SLC7A3: variants seen among roughly 807,000 people sequenced by gnomAD.
SLC7A3 encodes the protein cationic amino acid transporter 3.
SLC7A3 carries 3 observed loss-of-function variants against 33.2 expected under a neutral mutation model. The observed-to-expected ratio is 0.09, with a 90% CI of 0.04 to 0.23. The LOEUF (loss-of-function observed/expected upper bound fraction) is 0.23. SLC7A3 is among the 10% of genes least tolerant of loss of function. The pLI, the probability that SLC7A3 is intolerant of heterozygous loss-of-function variation, is 1.00. For missense variants in SLC7A3, 360 were observed against 488.8 expected (o/e 0.74, Z 2.48); for synonymous variants, 193 against 195.1 (o/e 0.99, Z 0.09).
chrX:70,926,175 G>A lies in SLC7A3; in HGVS notation c.1624C>T (p.Pro542Ser). Reference protein sequence around the residue: ...QSSTPLHFKVPALPLLPLMSI... With the variant: ...QSSTPLHFKVSALPLLPLMSI... The stretch of plus-strand genomic sequence containing the variant: ...ATTAGTGGGAGGAGAGGCAAAGCAG[G>A]CACCTGAAAACAAAGTAAAATCTTC... Residue 542 changes from proline to serine, a missense_variant, in exon 11 of 12, where the codon CCT (proline) becomes TCT (serine). Transcript: ENST00000374299. The A allele has an allele frequency of 5.0e-6, 6 of 1,202,575 alleles. No individual in the cohort carries two copies. Among genetic ancestry groups the A allele is most frequent in the Non-Finnish European group, 5.6e-6 (5 of 888,724 alleles).
At chrX:70,928,337 G>T in intron 4 of SLC7A3, 80 bp from the exon 5 acceptor site, 1 of 1,094,520 alleles carries the variant, frequency 9.1e-7, no homozygotes, top group South Asian at 2.0e-5. Flanking sequence ...AAACCAGTTA[G>T]CTAGGTCTTC....
chrX:70,929,116 A>G, intron 2 of SLC7A3, 114 bp from the exon 3 acceptor site: 1 of 767,290 alleles, frequency 1.3e-6, no homozygotes, highest in Non-Finnish European at 1.9e-6. Flanking sequence ...TTTGAGACCA[A>G]GTCTCACTCT....
intron 1 of SLC7A3, among the ~76,000 whole-genome samples, chrX:70,930,674 T>C (rs1470566001): frequency 1.8e-5 from 2 of 111,948 alleles, no homozygotes; most frequent in African/African-American, 3.2e-5. Flanking sequence ...ATCTAAAGAT[T>C]TGGAGATGCG....
rs770362441 is a variant in SLC7A3, at chrX:70,929,707, T to C, written c.291A>G (p.Ala97=). ...FGARVPRSGS[A]YLYSYVTVGE... Reference sequence around the variant, plus strand: ...CCACAGTGACATAGCTGTAGAGATATGCCGAACCAGAACGGGGAACCCGGG... The same window carrying C: ...CCACAGTGACATAGCTGTAGAGATACGCCGAACCAGAACGGGGAACCCGGG... The change falls in exon 2 of 12, where the codon GCA becomes GCG. Residue 97 remains alanine (A), a synonymous_variant. Coordinates refer to ENST00000374299, the MANE Select transcript of SLC7A3 (RefSeq NM_032803.6). The C allele has an allele frequency of 1.7e-6, 2 of 1,209,479 alleles. No individual in the cohort carries two copies. Among genetic ancestry groups the C allele is most frequent in the East Asian group, 3.0e-5 (1 of 33,708 alleles).
At chrX:70,929,605 C>T (rs192392511) in intron 2 of SLC7A3, 23 bp downstream of exon 2, 3 of 1,189,139 alleles carry the variant, frequency 2.5e-6, no homozygotes, top group African/African-American at 3.5e-5. Context: ...GTGCAGTTCC[C>T]TCCCTCCCCC....
chrX:70,927,638 G>A lies in SLC7A3; in HGVS notation c.1044-15C>T, dbSNP rs764633554. ...AGCCCAGGAGGCTGGAGAGGAGAAT[G>A]CCCAGGGTGGCATGAGTTGACTGGG... On this transcript the variant is annotated splice_polypyrimidine_tract_variant and intron_variant, in intron 6 of 11. Coordinates refer to ENST00000374299, the MANE Select transcript of SLC7A3 (RefSeq NM_032803.6). 8.3e-7 allele frequency: 1 copy of A among 1,205,353 alleles called. No homozygotes were observed. Among genetic ancestry groups the A allele is most frequent in the East Asian group, 3.0e-5 (1 of 33,655 alleles).
At chrX:70,928,750 C>T in intron 3 of SLC7A3, 94 bp downstream of exon 3, 5 of 1,144,402 alleles carry the variant, frequency 4.4e-6, no homozygotes, top group Non-Finnish European at 5.9e-6. Flanking sequence ...TCCCTTAAGC[C>T]TTTCTCAGGC....
At position 70,928,034 on chromosome X, in the gene SLC7A3, G is replaced by A. The variant is rs758805912; in HGVS notation, c.821-14C>T. 23 of 1,203,608 alleles carry A rather than the reference G, an allele frequency of 1.9e-5. No homozygotes were observed. The highest frequency in any genetic ancestry group is 1.8e-4 in the South Asian group (10 of 56,175). On this transcript the variant is annotated splice_polypyrimidine_tract_variant and intron_variant, in intron 5 of 11. Coordinates refer to ENST00000374299, the MANE Select transcript of SLC7A3 (RefSeq NM_032803.6). Reference sequence around the variant, plus strand: ...GGGCTTCTTCTCCTGAAGGAAGGGCGTAAGGTTCTAAATTAGGGAAGCAGG... The same window carrying A: ...GGGCTTCTTCTCCTGAAGGAAGGGCATAAGGTTCTAAATTAGGGAAGCAGG...
intron 8 of SLC7A3, 80 bp downstream of exon 8, chrX:70,927,202 G>A: frequency 1.9e-6 from 2 of 1,079,751 alleles, no homozygotes; most frequent in South Asian, 2.0e-5. Flanking sequence ...GAAGGCGAAG[G>A]AGGAAAGAGG....
In SLC7A3 at chrX:70,927,398, G is replaced by A; in HGVS notation, c.1184-14C>T. ...ATGCCATGAATGCTAAAATTAATAG[G>A]CAGGAAACAAGAAATGAGAGAAGGG... On this transcript the variant is annotated splice_polypyrimidine_tract_variant and intron_variant, in intron 7 of 11. Transcript: ENST00000374299. The A allele has an allele frequency of 8.3e-7, 1 of 1,209,075 alleles. No homozygotes were observed. Among genetic ancestry groups the A allele is most frequent in the Non-Finnish European group, 1.1e-6 (1 of 893,499 alleles).
rs749181437 is a variant in SLC7A3 at position 70,928,830 on chromosome X, G to C, written c.529+14C>G. 8.3e-7 allele frequency: 1 copy of C among 1,206,753 alleles called. No homozygotes were observed. Among genetic ancestry groups the C allele is most frequent in the South Asian group, 1.8e-5 (1 of 56,645 alleles). On this transcript the variant is annotated intron_variant, in intron 3 of 11. Coordinates refer to ENST00000374299, the MANE Select transcript of SLC7A3 (RefSeq NM_032803.6). ...GGCCCAACCCCCACCATTATACCCT[G>C]CTCTTTGCCTCACCAGTGAGCAGCA...
In SLC7A3 at chrX:70,928,363, AT is replaced by A. The variant is rs2091902100; in HGVS notation, c.707+92del. Reference sequence around the variant, plus strand: ...CTAGGTCTTCAAAGCCCAGCCTCCCATTTTTTCCCATCCCCATCCAGAATCC... The same window carrying A: ...CTAGGTCTTCAAAGCCCAGCCTCCCATTTTTCCCATCCCCATCCAGAATCC... On this transcript the variant is annotated intron_variant, in intron 4 of 11. Coordinates refer to ENST00000374299, the MANE Select transcript of SLC7A3 (RefSeq NM_032803.6). 5.4e-6 allele frequency: 6 copies of A among 1,101,547 alleles called. No homozygotes were observed. In the Admixed American group the frequency reaches 1.1e-4, roughly 20 times the overall value. The allele number at this position is 1,101,547 out of a possible 1,213,427, so 90.8% of individuals were successfully genotyped here. A position where few individuals can be genotyped will look rare whatever the true frequency, so the allele number is the denominator to read the frequency against.
Position 70,927,568 on chromosome X carries a change from C to A in SLC7A3, c.1099G>T (p.Gly367Cys). Residue 367 changes from glycine to cysteine, a missense_variant, in exon 7 of 12, where the codon GGC becomes TGC. Physicochemically the swap from Gly to Cys is radical, Grantham distance 159. Transcript: ENST00000374299. ...CGAGCAAGTACACGGAACAGGAGGC[C>A]ATCCTCTGCCATCGCGTAGATCACC... The part of the protein sequence containing the change: ...PRVIYAMAED[G>C]LLFRVLARIH... 8.3e-7 allele frequency: 1 copy of A among 1,209,841 alleles called. No individual in the cohort carries two copies.
chrX:70,929,572 G>A (rs2091905910), intron 2 of SLC7A3, 56 bp downstream of exon 2: 1 of 1,148,204 alleles, frequency 8.7e-7, no homozygotes, highest in Non-Finnish European at 1.2e-6. Context: ...CAGATTTCCT[G>A]ACCAAAAACC....
chrX:70,925,973 G>A (rs1169118514), intron 11 of SLC7A3, 30 bp from the exon 12 acceptor site: 1 of 1,208,404 alleles, frequency 8.3e-7, no homozygotes, highest in Non-Finnish European at 1.1e-6. Context: ...GTGAGGTGGG[G>A]GTGTAAAGGC....
chrX:70,929,148 T>G, intron 2 of SLC7A3, 146 bp from the exon 3 acceptor site: 1 of 563,748 alleles, frequency 1.8e-6, no homozygotes, highest in Non-Finnish European at 2.8e-6. Flanking sequence ...TGGAGTGCAG[T>G]GGCACAATCT....
rs188180388 is a variant in SLC7A3 at position 70,930,488 on chromosome X, A to C, written c.-25-466T>G. Among the ~76,000 whole-genome samples the C allele has an allele frequency of 5.4e-5, 6 of 111,337 alleles. No individual in the cohort carries two copies. The East Asian group carries it at 1.7e-3, about 32-fold the overall frequency. The stretch of plus-strand genomic sequence containing the variant: ...CCCAGACCCCCCAGAGGGAGAGGGG[A>C]CCAACCTCGCTGCAGATTAAAAGTG... On this transcript the variant is annotated intron_variant, in intron 1 of 11. Transcript: ENST00000374299.
At chrX:70,927,452 C>T in intron 7 of SLC7A3, 32 bp downstream of exon 7, 1 of 1,210,894 alleles carries the variant, frequency 8.3e-7, no homozygotes, top group South Asian at 1.8e-5. Flanking sequence ...GTTGGCGAAA[C>T]AACTAAGGGA....
chrX:70,925,819 T>C lies in SLC7A3; in HGVS notation c.1854A>G (p.Ser618=), dbSNP rs747729341. The C allele has an allele frequency of 1.2e-5, 15 of 1,211,326 alleles. No individual in the cohort carries two copies. Among genetic ancestry groups the C allele is most frequent in the Non-Finnish European group, 1.5e-5 (13 of 895,430 alleles). Residue 618 remains serine (S), a synonymous_variant, in exon 12 of 12, where the codon TCA becomes TCG. Coordinates refer to ENST00000374299, the MANE Select transcript of SLC7A3 (RefSeq NM_032803.6). ...GCATTTAGGTGTGACGATGTCAAAC[T>C]GAGTGGACATAGAGAGTGCCGGGAT... ...DLDPGTLYVH[S]V
Sources: allele counts gnomAD v4.1 joint callset (sites outside exome capture counted in the v4.1 genomes callset), GRCh38; gene constraint gnomAD v4.1.1; transcripts MANE v1.5; gene names NCBI Gene and HGNC (gene_info 2026-07-23, HGNC 2026-07-21).